The following BLM variants were observed in gnomAD, a reference collection of about 807,000 sequenced individuals.
The protein encoded by BLM is recQ-like DNA helicase BLM.
Under a neutral mutation model 135.3 loss-of-function variants are expected in BLM, and 95 were observed. That is an observed-to-expected ratio of 0.70 (90% CI 0.59 to 0.83). The LOEUF is 0.83. Among genes scored for constraint, BLM ranks in the 40% least tolerant of loss-of-function variants. BLM has a pLI of 0.00. For synonymous variants in BLM, 520 were observed against 589.2 expected (o/e 0.88, Z 1.70); for missense variants, 1,518 against 1,663.9 (o/e 0.91, Z 1.53).
chr15:90,815,531 C>A lies in BLM; in HGVS notation c.*252C>A. On this transcript the variant is annotated 3_prime_UTR_variant, in exon 22 of 22. Transcript: ENST00000355112. This position sits in a 1 kb window ranked among gnomAD's most constrained non-coding sequence, Gnocchi z 4.6. ...ACGTCTGAGGCAGCAGCTGAATCAT[C>A]TCAGTGCAAGAGCTTCTGAGCATAA... 1.9e-6 allele frequency: 1 copy of A among 515,304 alleles called. No individual in the cohort carries two copies. Among genetic ancestry groups the A allele is most frequent in the South Asian group, 2.2e-5 (1 of 45,348 alleles). The allele number at this position is 515,304 out of a possible 1,614,324, so 31.9% of individuals were successfully genotyped here. A position where few individuals can be genotyped will look rare whatever the true frequency, so the allele number is the denominator to read the frequency against.
chr15:90,785,254 T>C (rs1896717380), intron 14 of BLM, among the ~76,000 whole-genome samples, 173 bp downstream of exon 14: 1 of 152,170 alleles, frequency 6.6e-6, no homozygotes, highest in African/African-American at 2.4e-5. Context: ...TTTTCTTTCA[T>C]AAAAAAAATC....
chr15:90,727,841 T>C (rs1894958074), intron 1 of BLM, among the ~76,000 whole-genome samples: 1 of 151,502 alleles, frequency 6.6e-6, no homozygotes. Flanking sequence ...GTACACTGAG[T>C]CCCATGAGTT....
rs117611861 is a variant in BLM at position 90,748,811 on chromosome 15, G to C, written c.99-556G>C. ...CTCGCTCTGTCACCCAGGCTGGAGT[G>C]CGGCAGTATAGTCTCGGCTCACTGT... On this transcript the variant is annotated intron_variant, in intron 2 of 21. Coordinates refer to ENST00000355112, the MANE Select transcript of BLM (RefSeq NM_000057.4). 2.0e-3 allele frequency among the ~76,000 whole-genome samples: 303 copies of C among 150,122 alleles called. 1 individual carries two copies. The highest frequency in any genetic ancestry group is 6.8e-3 in the Middle Eastern group (2 of 294).
intron 1 of BLM, among the ~76,000 whole-genome samples, chr15:90,732,849 A>G (rs2151133701): frequency 6.6e-6 from 1 of 152,358 alleles, no homozygotes; most frequent in South Asian, 2.1e-4. Context: ...TAATCCCAGC[A>G]CTTTGGGAGG....
At chr15:90,751,283 T>C (rs1360699000) in intron 3 of BLM, among the ~76,000 whole-genome samples, 1 of 152,194 alleles carries the variant, frequency 6.6e-6, no homozygotes, top group African/African-American at 2.4e-5. Context: ...TATAGTCTCA[T>C]CAATGATGCC....
At chr15:90,736,278 T>C (rs1016227493) in intron 1 of BLM, among the ~76,000 whole-genome samples, 1 of 152,174 alleles carries the variant, frequency 6.6e-6, no homozygotes, top group Non-Finnish European at 1.5e-5. Context: ...CTTTCCTTTT[T>C]TTTTGAGACA....
intron 12 of BLM, among the ~76,000 whole-genome samples, chr15:90,776,036 T>C (rs1896468873): frequency 1.3e-5 from 2 of 152,236 alleles, no homozygotes; most frequent in Non-Finnish European, 2.9e-5. Context: ...TGGGTCCATT[T>C]ATATTTCTTA....
chr15:90,736,765 A>G (rs1451573572), intron 1 of BLM, among the ~76,000 whole-genome samples: 3 of 152,288 alleles, frequency 2.0e-5, no homozygotes, highest in Middle Eastern at 3.4e-3. Context: ...CATGAATGGA[A>G]AGCGTACATA....
intron 10 of BLM, among the ~76,000 whole-genome samples, 153 bp downstream of exon 10, chr15:90,767,176 C>A (rs1376192075): frequency 2.0e-5 from 3 of 152,130 alleles, no homozygotes; most frequent in African/African-American, 7.2e-5. Context: ...ACTATAATTG[C>A]TTTGTATTCT....
chr15:90,749,672 C>G lies in BLM; in HGVS notation c.404C>G (p.Ala135Gly). Residue 135 changes from alanine (A) to glycine (G), a missense_variant, in exon 3 of 22, where the codon GCT becomes GGT. Ala to Gly is a moderately conservative substitution (Grantham distance 60, BLOSUM62 0). Transcript: ENST00000355112. ...ACTGTAAAGAAATCCCGGGATACTG[C>G]TCTCAAGAAATTAGAATTTAGTTCT... is the stretch of plus-strand genomic sequence containing the variant. ...TPTVKKSRDT[A>G]LKKLEFSSSP... 6.2e-7 allele frequency: 1 copy of G among 1,614,142 alleles called. No individual in the cohort carries two copies. The highest frequency in any genetic ancestry group is 1.6e-4 in the Middle Eastern group (1 of 6,062).
intron 2 of BLM, among the ~76,000 whole-genome samples, chr15:90,748,030 T>TC (rs1464753220): frequency 2.0e-5 from 3 of 151,618 alleles, no homozygotes; most frequent in Non-Finnish European, 4.4e-5. Context: ...ATGGTCTCGA[T>TC]CTCCTGACCT....
intron 3 of BLM, 148 bp from the exon 4 acceptor site, chr15:90,751,639 G>C (rs572211100): frequency 1.5e-6 from 1 of 654,496 alleles, no homozygotes; most frequent in East Asian, 2.8e-5. Context: ...AAATAAGCCA[G>C]CATTAGCATG....
chr15:90,776,637 T>G (rs1896483712), intron 12 of BLM, among the ~76,000 whole-genome samples: 1 of 152,182 alleles, frequency 6.6e-6, no homozygotes, highest in Non-Finnish European at 1.5e-5. Context: ...TCCTCCTGCC[T>G]CAACCCGCCA....
chr15:90,794,397 T>G (rs1188564080), intron 16 of BLM, 40 bp downstream of exon 16: 42 of 1,433,794 alleles, frequency 2.9e-5, no homozygotes, highest in Non-Finnish European at 3.4e-5. Context: ...AATTAAATTT[T>G]TTTTCTCTTA....
intron 1 of BLM, among the ~76,000 whole-genome samples, chr15:90,734,401 C>T (rs1895147091): frequency 6.6e-6 from 1 of 151,996 alleles, no homozygotes; most frequent in Admixed American, 6.6e-5. Context: ...CATTCTCCTG[C>T]CTCAGCCTCC....
chr15:90,742,353 T>C (rs1895386606), intron 1 of BLM, among the ~76,000 whole-genome samples: 1 of 152,166 alleles, frequency 6.6e-6, no homozygotes, highest in South Asian at 2.1e-4. Context: ...TCTCCACTTT[T>C]AGCAGAAGAC....
intron 1 of BLM, among the ~76,000 whole-genome samples, chr15:90,719,165 G>A (rs1050553636): frequency 1.3e-5 from 2 of 152,008 alleles, no homozygotes; most frequent in Non-Finnish European, 2.9e-5. Flanking sequence ...CTAATTTTTT[G>A]TATTTTTAGT....
At chr15:90,805,411 C>T (rs1356330968) in intron 19 of BLM, among the ~76,000 whole-genome samples, 2 of 151,178 alleles carry the variant, frequency 1.3e-5, no homozygotes, top group Non-Finnish European at 2.9e-5. Flanking sequence ...GCAGAAGTTG[C>T]AGATATTTGT....
intron 12 of BLM, among the ~76,000 whole-genome samples, chr15:90,775,673 G>A (rs1274348449): frequency 2.0e-5 from 3 of 151,652 alleles, no homozygotes; most frequent in African/African-American, 7.3e-5. Context: ...CGCCATGCCC[G>A]GCTAATTTTT....
Sources: allele counts gnomAD v4.1 joint callset (sites outside exome capture counted in the v4.1 genomes callset), GRCh38; gene constraint gnomAD v4.1.1; non-coding constraint Gnocchi (gnomAD v3.1); transcripts MANE v1.5; gene names NCBI Gene and HGNC (gene_info 2026-07-23, HGNC 2026-07-21).